Variants in CADM1 observed in about 807,000 individuals in gnomAD.
CADM1 encodes cell adhesion molecule 1.
Under a neutral mutation model 53.1 loss-of-function variants are expected in CADM1, and 15 were observed. The ratio of observed to expected loss-of-function variants is 0.28; its 90% confidence interval spans 0.19 to 0.44. CADM1 has a LOEUF of 0.44. Ranked by LOEUF, CADM1 falls within the 20% of genes least tolerant of loss-of-function variation. The probability of loss-of-function intolerance (pLI) is 1.00; values close to 1 mark genes in which losing one functional copy is unlikely to be tolerated. For synonymous variants in CADM1, 281 were observed against 243.0 expected, an observed-to-expected ratio of 1.16 and a Z score of -1.45; for missense variants, 434 against 611.3, an observed-to-expected ratio of 0.71 and a Z score of 3.06.
chr11:115,178,930 G>T, intron 10 of CADM1, 155 bp from the exon 11 acceptor site: 2 of 794,260 alleles, frequency 2.5e-6, no homozygotes, highest in Non-Finnish European at 4.2e-6. Context: ...TGAGGTAACA[G>T]GCTGACCTGT....
At chr11:115,392,054 CAT>C (rs1234321722) in intron 1 of CADM1, among the ~76,000 whole-genome samples, 3 of 152,154 alleles carry the variant, frequency 2.0e-5, no homozygotes, top group Non-Finnish European at 4.4e-5. Flanking sequence ...TTTCTGTTCA[CAT>C]GTCATATTCT....
At chr11:115,364,129 G>C (rs1946097893) in intron 1 of CADM1, among the ~76,000 whole-genome samples, 1 of 152,086 alleles carries the variant, frequency 6.6e-6, no homozygotes. Flanking sequence ...CCATCGTGAA[G>C]CAACACATGA....
intron 5 of CADM1, among the ~76,000 whole-genome samples, chr11:115,219,346 G>T (rs1019609937): frequency 6.6e-6 from 1 of 152,148 alleles, no homozygotes; most frequent in African/African-American, 2.4e-5. Context: ...CATTCTTATA[G>T]TCTCTTTCCT....
In CADM1 at chr11:115,238,498, A is replaced by G; in HGVS notation, c.424+2T>C. 1 of 1,613,790 alleles carries G rather than the reference A, an allele frequency of 6.2e-7. No individual in the cohort carries two copies. Among genetic ancestry groups the G allele is most frequent in the Non-Finnish European group, 8.5e-7 (1 of 1,179,752 alleles). Reference sequence around the variant, plus strand: ...CGGGTAAGCCCCACATGCGTTTCTTACCCAGGACTGTGATGGTGGTGTAAC... The same window carrying G: ...CGGGTAAGCCCCACATGCGTTTCTTGCCCAGGACTGTGATGGTGGTGTAAC... On this transcript the variant is annotated splice_donor_variant, in intron 3 of 11. Coordinates refer to ENST00000331581, the MANE Select transcript of CADM1 (RefSeq NM_001301043.2). LOFTEE classifies it high-confidence loss of function.
At position 115,475,438 on chromosome 11, in the gene CADM1, G is replaced by T. The variant is rs1469371325; in HGVS notation, c.124+28833C>A. On this transcript the variant is annotated intron_variant, in intron 1 of 11. Transcript: ENST00000331581. ...TTCTAGGCATTTAGCCAATAGAAATGAAAACTTATGGCTCACAAAAAAACC... is the reference window on the plus strand; with the variant it reads ...TTCTAGGCATTTAGCCAATAGAAATTAAAACTTATGGCTCACAAAAAAACC... Among the ~76,000 whole-genome samples the T allele has an allele frequency of 1.7e-4, 26 of 152,222 alleles. 1 individual carries two copies. Among genetic ancestry groups the T allele is most frequent in the Non-Finnish European group, 5.9e-5 (4 of 68,012 alleles).
At chr11:115,194,918 CATA>C (rs1373918360) in intron 9 of CADM1, among the ~76,000 whole-genome samples, 1 of 152,174 alleles carries the variant, frequency 6.6e-6, no homozygotes, top group African/African-American at 2.4e-5. Flanking sequence ...ACATCAAGAA[CATA>C]ATGACTACAC....
At chr11:115,329,626 T>A (rs1421656167) in intron 1 of CADM1, among the ~76,000 whole-genome samples, 1 of 152,100 alleles carries the variant, frequency 6.6e-6, no homozygotes, top group Non-Finnish European at 1.5e-5. Flanking sequence ...CCAGTGGGTG[T>A]GCTACAGTGC....
chr11:115,333,457 A>C (rs1427509194), intron 1 of CADM1: 3 of 152,148 alleles, frequency 2.0e-5, no homozygotes, highest in Non-Finnish European at 4.4e-5. Context: ...AAGCTTATCT[A>C]GTGGTTCTTA....
Position 115,369,875 on chromosome 11 carries a change from G to A in CADM1, c.125-129455C>T, listed in dbSNP as rs1946268281. ...GAGCTACAATACACAATTCTGAAAT[G>A]CTGCCACGGAAAAAAGACTTAGCAC... On this transcript the variant is annotated intron_variant, in intron 1 of 11. Coordinates refer to ENST00000331581, the MANE Select transcript of CADM1 (RefSeq NM_001301043.2). Among the ~76,000 whole-genome samples the A allele has an allele frequency of 2.0e-5, 3 of 152,278 alleles. No individual in the cohort carries two copies. The South Asian group carries it at 6.2e-4, about 32-fold the overall frequency.
intron 1 of CADM1, among the ~76,000 whole-genome samples, chr11:115,288,251 G>T (rs2135100568): frequency 6.6e-6 from 1 of 152,174 alleles, no homozygotes; most frequent in African/African-American, 2.4e-5. Context: ...GGAGAGAATG[G>T]GTCATCTAGA....
rs375794586 is a variant in CADM1 at position 115,328,713 on chromosome 11, T to TATAC, written c.125-88294_125-88293insGTAT. Reference sequence around the variant, plus strand: ...ATGTGTATATATATGTATATATATATGTGTATATATATGTATATACATATA... The same window carrying TATAC: ...ATGTGTATATATATGTATATATATATATACGTGTATATATATGTATATACATATA... On this transcript the variant is annotated intron_variant, in intron 1 of 11. Coordinates refer to ENST00000331581, the MANE Select transcript of CADM1 (RefSeq NM_001301043.2). Among the ~76,000 whole-genome samples, 277 of 49,506 alleles carry TATAC rather than the reference T, an allele frequency of 5.6e-3. 33 individuals are homozygous for TATAC. The highest frequency in any genetic ancestry group is 0.016 in the African/African-American group (200 of 12,646). 32.5% of individuals were successfully genotyped at this position (49,506 alleles called of 152,430 possible).
intron 1 of CADM1, among the ~76,000 whole-genome samples, chr11:115,446,462 T>C (rs1948453417): frequency 6.6e-6 from 1 of 152,160 alleles, no homozygotes; most frequent in African/African-American, 2.4e-5. Flanking sequence ...TTGGAACTGC[T>C]GCCAAAAGAT....
At chr11:115,226,669 C>G (rs899660465) in intron 5 of CADM1, among the ~76,000 whole-genome samples, 1 of 152,110 alleles carries the variant, frequency 6.6e-6, no homozygotes, top group African/African-American at 2.4e-5. Context: ...AGAGAGAGGA[C>G]GGCTGTGGGG....
rs1227029097 is a variant in CADM1 at position 115,470,382 on chromosome 11, T to C, written c.124+33889A>G. Among the ~76,000 whole-genome samples the C allele has an allele frequency of 2.6e-5, 4 of 152,212 alleles. No individual in the cohort carries two copies. The East Asian group carries it at 7.7e-4, about 29-fold the overall frequency. On this transcript the variant is annotated intron_variant, in intron 1 of 11. Transcript: ENST00000331581. Reference sequence around the variant, plus strand: ...ATGAAACAACATTCTTGGGAGGGCATTGTGTCAAAAAGCCCATTTAACCAG... The same window carrying C: ...ATGAAACAACATTCTTGGGAGGGCACTGTGTCAAAAAGCCCATTTAACCAG...
intron 1 of CADM1, among the ~76,000 whole-genome samples, chr11:115,350,666 G>A (rs780326065): frequency 1.3e-5 from 2 of 151,188 alleles, no homozygotes; most frequent in African/African-American, 2.4e-5. Flanking sequence ...TATATAAAAC[G>A]AAACAATGCT....
intron 1 of CADM1, among the ~76,000 whole-genome samples, chr11:115,385,791 A>C (rs1038326252): frequency 6.6e-6 from 1 of 152,194 alleles, no homozygotes; most frequent in African/African-American, 2.4e-5. Flanking sequence ...CTGGCTGCAC[A>C]AAGGCAGCCT....
At position 115,175,237 on chromosome 11, in the gene CADM1, C is replaced by T; in HGVS notation, c.*1237G>A. On this transcript the variant is annotated 3_prime_UTR_variant, in exon 12 of 12. Coordinates refer to ENST00000331581, the MANE Select transcript of CADM1 (RefSeq NM_001301043.2). ...GAACAATACCAGCCCTTCTTTTGTA[C>T]CTCCTGCCTTTGTCAAGCCAAATCT... 1 of 985,820 alleles carries T rather than the reference C, an allele frequency of 1.0e-6. No individual in the cohort carries two copies. The highest frequency in any genetic ancestry group is 1.2e-6 in the Non-Finnish European group (1 of 829,946). The allele number at this position is 985,820 out of a possible 1,614,324, so 61.1% of individuals were successfully genotyped here.
intron 1 of CADM1, among the ~76,000 whole-genome samples, chr11:115,356,394 CA>C (rs1945871559): frequency 1.3e-5 from 2 of 151,940 alleles, no homozygotes; most frequent in Admixed American, 6.6e-5. Flanking sequence ...AGCAAAACTA[CA>C]GGAGGAAACG....
Position 115,171,416 on chromosome 11 carries a change from G to A in CADM1, c.*5058C>T, listed in dbSNP as rs1265614993. On this transcript the variant is annotated 3_prime_UTR_variant, in exon 12 of 12. Transcript: ENST00000331581. ...AGAATTACATTTCAGGTAGACAGAG[G>A]ACAGTGAAAGATTGCACCAATTAAC... 1 of 152,180 alleles carries A rather than the reference G, an allele frequency of 6.6e-6. No individual in the cohort carries two copies. Among genetic ancestry groups the A allele is most frequent in the African/African-American group, 2.4e-5 (1 of 41,436 alleles). 9.4% of individuals were successfully genotyped at this position (152,180 alleles called of 1,614,324 possible). A position where few individuals can be genotyped will look rare whatever the true frequency, so the allele number is the denominator to read the frequency against.
Sources: gnomAD v4.1 joint callset for allele counts (sites outside exome capture counted in the v4.1 genomes callset) on GRCh38, gnomAD v4.1.1 for gene constraint, MANE v1.5 for transcripts, NCBI Gene and HGNC (gene_info 2026-07-23, HGNC 2026-07-21) for gene names.